INO80: variants seen among roughly 807,000 people sequenced by gnomAD.
INO80 encodes chromatin-remodeling ATPase INO80.
Under a neutral mutation model 203.4 loss-of-function variants are expected in INO80, and 20 were observed. That is an observed-to-expected ratio of 0.10 (90% confidence interval 0.07 to 0.14). The LOEUF (loss-of-function observed/expected upper bound fraction) is 0.14. Among genes scored for constraint, INO80 ranks in the 10% least tolerant of loss-of-function variants. The probability of loss-of-function intolerance (pLI) is 1.00; values close to 1 mark genes in which losing one functional copy is unlikely to be tolerated. For synonymous variants in INO80, 726 were observed against 685.2 expected (o/e 1.06, Z -0.93); for missense variants, 1,419 against 1,914.4 (o/e 0.74, Z 4.83).
intron 32 of INO80, 124 bp from the exon 33 acceptor site, chr15:40,984,476 T>A: frequency 1.2e-6 from 1 of 863,282 alleles, no homozygotes; most frequent in Non-Finnish European, 1.8e-6. Context: ...AATTAGCATA[T>A]TTTTACGGAA....
chr15:41,030,634 T>G (rs1402146185), intron 24 of INO80, among the ~76,000 whole-genome samples: 1 of 151,920 alleles, frequency 6.6e-6, no homozygotes, highest in Non-Finnish European at 1.5e-5. Context: ...AGTGCTGGGA[T>G]TATAGGCATG....
intron 9 of INO80, among the ~76,000 whole-genome samples, chr15:41,078,667 T>A (rs955193657): frequency 5.3e-5 from 8 of 152,132 alleles, no homozygotes; most frequent in Admixed American, 2.0e-4. Context: ...GAAAACATCA[T>A]CCAAACCACT....
chr15:41,055,194 G>A (rs1328350511), intron 18 of INO80, 53 bp downstream of exon 18: 12 of 860,322 alleles, frequency 1.4e-5, no homozygotes, highest in South Asian at 8.2e-5. Context: ...ATGCAATTAC[G>A]TGGTTGCCTA....
At chr15:41,027,833 G>A in intron 24 of INO80, 97 bp from the exon 25 acceptor site, 2 of 882,970 alleles carry the variant, frequency 2.3e-6, no homozygotes, top group Non-Finnish European at 3.4e-6. Context: ...AACTTTAAGA[G>A]CTTTCTTCCC....
intron 31 of INO80, among the ~76,000 whole-genome samples, chr15:40,985,852 G>A (rs1226694967): frequency 1.3e-5 from 2 of 152,124 alleles, no homozygotes; most frequent in Non-Finnish European, 2.9e-5. Flanking sequence ...AGGTTGTGGT[G>A]AGCCAGGATT....
intron 5 of INO80, among the ~76,000 whole-genome samples, chr15:41,088,444 A>G (rs561743007): frequency 6.6e-6 from 1 of 152,140 alleles, no homozygotes; most frequent in East Asian, 1.9e-4. Context: ...GTCTGCTTCA[A>G]ATAGTCACCA....
chr15:41,098,202 T>C (rs1237955014), intron 1 of INO80, among the ~76,000 whole-genome samples: 1 of 152,126 alleles, frequency 6.6e-6, no homozygotes, highest in Non-Finnish European at 1.5e-5. Flanking sequence ...TGTCTTCTCT[T>C]TTTTTTACAA....
At chr15:40,982,547 A>C (rs1386011893) in intron 35 of INO80, among the ~76,000 whole-genome samples, 1 of 152,182 alleles carries the variant, frequency 6.6e-6, no homozygotes, top group Non-Finnish European at 1.5e-5. Flanking sequence ...GATTACTAAA[A>C]TGTGGATCTC....
At chr15:40,997,852 A>AC (rs2043899954) in intron 28 of INO80, 1 of 381,974 alleles carries the variant, frequency 2.6e-6, no homozygotes, top group South Asian at 2.8e-5. Context: ...GATAGGCAAC[A>AC]CAAGTATAAA....
At chr15:41,021,762 T>C (rs963147122) in intron 25 of INO80, among the ~76,000 whole-genome samples, 1 of 152,250 alleles carries the variant, frequency 6.6e-6, no homozygotes, top group South Asian at 2.1e-4. Context: ...ATTTGTTTCC[T>C]GGCTTGGCCA....
At chr15:41,084,725 TATTTA>T (rs1359386506) in intron 7 of INO80, among the ~76,000 whole-genome samples, 1 of 152,188 alleles carries the variant, frequency 6.6e-6, no homozygotes, top group East Asian at 1.9e-4. Context: ...CTTTTTATTT[TATTTA>T]ATTTTTGAGA....
intron 10 of INO80, 59 bp from the exon 11 acceptor site, chr15:41,073,554 A>ATTGGTGTT: frequency 2.4e-6 from 3 of 1,271,004 alleles, no homozygotes; most frequent in Non-Finnish European, 3.5e-6. Context: ...TCTAAGATAC[A>ATTGGTGTT]ATTAACACCA....
chr15:41,108,566 T>C (rs1277003470), intron 1 of INO80, among the ~76,000 whole-genome samples: 2 of 121,842 alleles, frequency 1.6e-5, no homozygotes, highest in South Asian at 5.0e-4. Context: ...CATTCCAGCC[T>C]GGGGGACACA....
In INO80 at chr15:41,058,673, G is replaced by A; in HGVS notation, c.1951C>T (p.Leu651=). 6.2e-7 allele frequency: 1 copy of A among 1,613,642 alleles called. No homozygotes were observed. Among genetic ancestry groups the A allele is most frequent in the Non-Finnish European group, 8.5e-7 (1 of 1,179,888 alleles). Residue 651 remains leucine (L), a synonymous_variant, in exon 16 of 36, where the codon CTG becomes TTG. Transcript: ENST00000648947. ...FQRVKWQYMV[L]DEAQALKSSS... ...CTCTTGAGCGCCTGAGCCTCATCCA[G>A]TACCATGTATTGCCACTTGACCCGC... is the stretch of plus-strand genomic sequence containing the variant.
chr15:41,093,552 C>T (rs1043200444), intron 4 of INO80, among the ~76,000 whole-genome samples: 2 of 152,062 alleles, frequency 1.3e-5, no homozygotes, highest in Non-Finnish European at 2.9e-5. Flanking sequence ...CGAAAAACTA[C>T]TAAATTTTAA....
In INO80 at chr15:41,045,663, C is replaced by T. The variant is rs1265829372; in HGVS notation, c.2736-588G>A. 4.6e-5 allele frequency among the ~76,000 whole-genome samples: 7 copies of T among 151,182 alleles called. No homozygotes were observed. In the East Asian group the frequency reaches 1.4e-3, roughly 29 times the overall value. ...ATCCCAGCACTTTGGGAGAATGAGA[C>T]AGGCAGATCAATTGAGGCCAGGAGT... On this transcript the variant is annotated intron_variant, in intron 23 of 35. Transcript: ENST00000648947.
chr15:40,998,215 G>T (rs1349583926), intron 28 of INO80, among the ~76,000 whole-genome samples: 1 of 151,820 alleles, frequency 6.6e-6, no homozygotes, highest in Admixed American at 6.6e-5. Flanking sequence ...TAGAGACGGG[G>T]TTTCATCATA....
rs1056953912 is a variant in INO80, at chr15:41,096,448, T to C, written c.-43-95A>G. On this transcript the variant is annotated intron_variant, in intron 1 of 35. Transcript: ENST00000648947. ...CCCAATGTGAAGAGAAATCAGACCT[T>C]CTAGAACACAAGACACTGAAAAGAC... The C allele has an allele frequency of 2.2e-5, 18 of 820,652 alleles. No individual in the cohort carries two copies. In the African/African-American group the frequency reaches 2.5e-4, roughly 11 times the overall value. The allele number at this position is 820,652 out of a possible 1,614,324, so 50.8% of individuals were successfully genotyped here. A position where few individuals can be genotyped will look rare whatever the true frequency, so the allele number is the denominator to read the frequency against.
intron 24 of INO80, among the ~76,000 whole-genome samples, chr15:41,035,153 A>G (rs1326912057): frequency 6.6e-6 from 1 of 152,242 alleles, no homozygotes; most frequent in Admixed American, 6.5e-5. Flanking sequence ...AAGAACTAGT[A>G]CTACAGTCAG....
Sources: allele counts gnomAD v4.1 joint callset (sites outside exome capture counted in the v4.1 genomes callset), GRCh38; gene constraint gnomAD v4.1.1; transcripts MANE v1.5; gene names NCBI Gene and HGNC (gene_info 2026-07-23, HGNC 2026-07-21).